Variants in OGDH observed in about 807,000 individuals in gnomAD.
The protein encoded by OGDH is 2-oxoglutarate dehydrogenase complex component E1.
Under a neutral mutation model 116.6 loss-of-function variants are expected in OGDH, and 38 were observed. The ratio of observed to expected loss-of-function variants is 0.33; its 90% confidence interval spans 0.25 to 0.43. OGDH has a LOEUF of 0.43. Ranked by LOEUF, OGDH falls within the 20% of genes least tolerant of loss-of-function variation. The pLI is 1.00. For missense variants in OGDH, 825 were observed against 1,357.2 expected (o/e 0.61, Z 6.16); for synonymous variants, 488 against 533.3 (o/e 0.92, Z 1.17).
Position 44,633,898 on chromosome 7 carries a change from C to T in OGDH, c.222+9333C>T, listed in dbSNP as rs112769496. Among the ~76,000 whole-genome samples, 262 of 152,306 alleles carry T rather than the reference C, an allele frequency of 1.7e-3. 3 individuals carry two copies. The highest frequency in any genetic ancestry group is 5.9e-3 in the African/African-American group (244 of 41,568). ...GGGTAGTTTGAAGCGTTCTCATTTC[C>T]TGAGGTGTGTCAGAAAGACTGCGTG... is the stretch of plus-strand genomic sequence containing the variant. On this transcript the variant is annotated intron_variant, in intron 2 of 22. Transcript: ENST00000222673.
chr7:44,656,456 T>C, intron 4 of OGDH: 1 of 1,102,276 alleles, frequency 9.1e-7, no homozygotes, highest in Non-Finnish European at 1.3e-6. Context: ...TGGGGAAAGT[T>C]GACGCAACTT....
At position 44,658,869 on chromosome 7, in the gene OGDH, T is replaced by A. The variant is rs138832167; in HGVS notation, c.518-7867T>A. ...ATTATTTTTTGAGACTGATTCTTGC[T>A]CTGTCACCCAGTCTGGAGTGCAGTG... On this transcript the variant is annotated intron_variant, in intron 4 of 22. Coordinates refer to ENST00000222673, the MANE Select transcript of OGDH (RefSeq NM_002541.4). Among the ~76,000 whole-genome samples, 1,062 of 152,266 alleles carry A rather than the reference T, an allele frequency of 7.0e-3. 10 individuals carry two copies. Among genetic ancestry groups the A allele is most frequent in the African/African-American group, 0.024 (1,002 of 41,536 alleles).
intron 1 of OGDH, among the ~76,000 whole-genome samples, chr7:44,618,003 C>T (rs1177454308): frequency 6.6e-6 from 1 of 152,176 alleles, no homozygotes; most frequent in Non-Finnish European, 1.5e-5. Flanking sequence ...ACCTCGAAGG[C>T]TTCATATTTC....
intron 4 of OGDH, among the ~76,000 whole-genome samples, chr7:44,650,023 A>T (rs1452226548): frequency 6.6e-6 from 1 of 152,190 alleles, no homozygotes; most frequent in Non-Finnish European, 1.5e-5. Context: ...AAAACTTCTG[A>T]CATCTCTGGC....
At chr7:44,635,707 ATT>A (rs201074007) in intron 2 of OGDH, among the ~76,000 whole-genome samples, 4 of 143,080 alleles carry the variant, frequency 2.8e-5, no homozygotes, top group African/African-American at 5.1e-5. Context: ...GGACTTTATA[ATT>A]TTTTTTTTTT....
chr7:44,697,035 C>G lies in OGDH; in HGVS notation c.2022C>G (p.Ser674Arg). 1 of 1,614,116 alleles carries G rather than the reference C, an allele frequency of 6.2e-7. No individual in the cohort carries two copies. The highest frequency in any genetic ancestry group is 8.5e-7 in the Non-Finnish European group (1 of 1,179,980). ...LLKEGIHIRLSGQDVERGTFS... is the reference protein window; with the variant it reads ...LLKEGIHIRLRGQDVERGTFS... Reference sequence around the variant, plus strand: ...AGGAGGGCATCCACATTCGGCTGAGCGGCCAGGACGTGGAGCGGGGCACAT... The same window carrying G: ...AGGAGGGCATCCACATTCGGCTGAGGGGCCAGGACGTGGAGCGGGGCACAT... Residue 674 changes from serine (S) to arginine (R), a missense_variant, in exon 15 of 23, where the codon AGC (serine) becomes AGG (arginine). Physicochemically the swap from Ser to Arg is moderately radical, Grantham distance 110 (BLOSUM62 -1). Around this residue, in one of 7 missense-constraint regions of OGDH, gnomAD observed 92 missense variants for 129.7 expected, o/e 0.71. Transcript: ENST00000222673. This position sits in a 1 kb window ranked among gnomAD's most constrained non-coding sequence, Gnocchi z 6.0.
intron 9 of OGDH, among the ~76,000 whole-genome samples, chr7:44,679,361 C>G (rs959149378): frequency 2.0e-5 from 3 of 152,168 alleles, no homozygotes; most frequent in African/African-American, 4.8e-5. Flanking sequence ...AAGGGGGCCC[C>G]GTAAGCAAAC....
At chr7:44,608,407 C>CAA (rs71011978) in intron 1 of OGDH, among the ~76,000 whole-genome samples, 53 of 150,080 alleles carry the variant, frequency 3.5e-4, no homozygotes, top group Admixed American at 6.6e-4. Context: ...GATCCTGTCT[C>CAA]AAAAAAAAAG....
At chr7:44,693,758 C>T in intron 10 of OGDH, 67 bp from the exon 11 acceptor site, 4 of 1,454,996 alleles carry the variant, frequency 2.7e-6, no homozygotes, top group South Asian at 2.7e-5. Context: ...CCGGCCTCAG[C>T]CCCGCCCTCT....
Position 44,694,361 on chromosome 7 carries a change from G to T in OGDH, c.1516-63G>T. The T allele has an allele frequency of 6.3e-7, 1 of 1,591,278 alleles. No homozygotes were observed. The highest frequency in any genetic ancestry group is 8.6e-7 in the Non-Finnish European group (1 of 1,168,922). ...CCTAGGAGAGATGGGGCAGGTGCCTGAACAGCACTTCTTCCCAAGGGGCCA... is the reference window on the plus strand; with the variant it reads ...CCTAGGAGAGATGGGGCAGGTGCCTTAACAGCACTTCTTCCCAAGGGGCCA... On this transcript the variant is annotated intron_variant, in intron 11 of 22. Coordinates refer to ENST00000222673, the MANE Select transcript of OGDH (RefSeq NM_002541.4). This position sits in a 1 kb window ranked among gnomAD's most constrained non-coding sequence, Gnocchi z 4.2.
chr7:44,668,919 T>C (rs1787303099), intron 5 of OGDH, among the ~76,000 whole-genome samples: 2 of 152,230 alleles, frequency 1.3e-5, no homozygotes, highest in South Asian at 4.1e-4. Context: ...TGAATGTTGC[T>C]GATCTGTGAA....
At chr7:44,701,259 T>C (rs1373424755) in intron 19 of OGDH, among the ~76,000 whole-genome samples, 1 of 152,158 alleles carries the variant, frequency 6.6e-6, no homozygotes, top group African/African-American at 2.4e-5. Flanking sequence ...TCAGAGCTCT[T>C]TCCTAGGTAC....
chr7:44,616,388 G>T (rs981954820), intron 1 of OGDH, among the ~76,000 whole-genome samples: 1 of 152,038 alleles, frequency 6.6e-6, no homozygotes, highest in Non-Finnish European at 1.5e-5. Flanking sequence ...ATACTGAAGC[G>T]TACTCAGGGA....
At chr7:44,653,070 T>G (rs1173550357) in intron 4 of OGDH, among the ~76,000 whole-genome samples, 1 of 152,144 alleles carries the variant, frequency 6.6e-6, no homozygotes, top group African/African-American at 2.4e-5. Context: ...CAGTTTTTTC[T>G]TGCTGTTGTT....
At chr7:44,693,371 C>G (rs557008325) in intron 10 of OGDH, among the ~76,000 whole-genome samples, 1 of 151,628 alleles carries the variant, frequency 6.6e-6, no homozygotes, top group East Asian at 1.9e-4. Context: ...CTTCGGGAAG[C>G]CGAGACAGGA....
intron 1 of OGDH, chr7:44,622,803 C>T (rs1785053325): frequency 6.6e-6 from 1 of 152,160 alleles, no homozygotes; most frequent in African/African-American, 2.4e-5. Context: ...TTTTTTTCCA[C>T]AGGCAGCGTC....
chr7:44,633,388 T>C (rs1785530401), intron 2 of OGDH, among the ~76,000 whole-genome samples: 1 of 151,900 alleles, frequency 6.6e-6, no homozygotes, highest in African/African-American at 2.4e-5. Context: ...GAAAGAGCCA[T>C]GCTTTGTAAG....
intron 10 of OGDH, among the ~76,000 whole-genome samples, chr7:44,685,452 A>G (rs1447923636): frequency 1.3e-5 from 2 of 152,186 alleles, no homozygotes; most frequent in South Asian, 2.1e-4. Context: ...AGAGTTTCCT[A>G]CCTTTTTAAG....
intron 19 of OGDH, among the ~76,000 whole-genome samples, chr7:44,700,646 G>A (rs1788787029): frequency 1.3e-5 from 2 of 152,200 alleles, no homozygotes; most frequent in South Asian, 4.1e-4. Context: ...GGTCCCCAGG[G>A]AGCGGCTCCT....
Sources: gnomAD v4.1 joint callset for allele counts (sites outside exome capture counted in the v4.1 genomes callset) on GRCh38, gnomAD v4.1.1 for gene constraint, gnomAD v4.1.1 regional missense constraint, Gnocchi (gnomAD v3.1) non-coding constraint, MANE v1.5 for transcripts, NCBI Gene and HGNC (gene_info 2026-07-23, HGNC 2026-07-21) for gene names.